Variants in RPS6KA5 observed in about 807,000 individuals in gnomAD.
RPS6KA5 encodes the protein ribosomal protein S6 kinase alpha-5.
Under a neutral mutation model 85.5 loss-of-function variants are expected in RPS6KA5, and 27 were observed. The observed-to-expected ratio is 0.32, with a 90% CI of 0.23 to 0.44. The LOEUF (loss-of-function observed/expected upper bound fraction) is 0.44, where lower values mean the gene tolerates loss of function less well. Among genes scored for constraint, RPS6KA5 ranks in the 20% least tolerant of loss-of-function variants. The probability of loss-of-function intolerance (pLI) is 1.00; values close to 1 mark genes in which losing one functional copy is unlikely to be tolerated. For synonymous variants in RPS6KA5, 334 were observed against 348.2 expected, an observed-to-expected ratio of 0.96 and a Z score of 0.46; for missense variants, 811 against 980.9, an observed-to-expected ratio of 0.83 and a Z score of 2.31.
chr14:91,016,721 C>T (rs994480631), intron 1 of RPS6KA5, among the ~76,000 whole-genome samples: 3 of 152,022 alleles, frequency 2.0e-5, no homozygotes, highest in East Asian at 1.9e-4. Flanking sequence ...GAAGGAAAAA[C>T]GACCAGACAT....
intron 3 of RPS6KA5, among the ~76,000 whole-genome samples, chr14:90,965,533 C>G (rs1470363794): frequency 1.3e-5 from 2 of 152,074 alleles, no homozygotes; most frequent in Non-Finnish European, 2.9e-5. Context: ...GAGAGGAAGA[C>G]AGTAATGGGA....
intron 5 of RPS6KA5, among the ~76,000 whole-genome samples, chr14:90,935,201 A>G (rs1446356660): frequency 6.6e-6 from 1 of 152,238 alleles, no homozygotes; most frequent in Non-Finnish European, 1.5e-5. Context: ...CCTTACCTAC[A>G]CATCTTGAGA....
chr14:90,940,109 T>A (rs926156022), intron 5 of RPS6KA5, among the ~76,000 whole-genome samples: 2 of 152,136 alleles, frequency 1.3e-5, no homozygotes, highest in Non-Finnish European at 2.9e-5. Flanking sequence ...CCCTGAGAGT[T>A]AAACCTGAAG....
chr14:91,005,217 A>T (rs945061791), intron 1 of RPS6KA5, among the ~76,000 whole-genome samples: 10 of 152,192 alleles, frequency 6.6e-5, no homozygotes, highest in African/African-American at 1.9e-4. Flanking sequence ...AGTTTCATCC[A>T]GGTTTCTGAC....
intron 16 of RPS6KA5, among the ~76,000 whole-genome samples, chr14:90,873,125 T>C (rs886385720): frequency 2.0e-5 from 3 of 152,354 alleles, no homozygotes; most frequent in South Asian, 4.1e-4. Context: ...ACATGAATTA[T>C]CTTAATATAT....
intron 5 of RPS6KA5, among the ~76,000 whole-genome samples, chr14:90,937,576 A>G (rs1566764237): frequency 6.6e-6 from 1 of 152,188 alleles, no homozygotes; most frequent in Non-Finnish European, 1.5e-5. Context: ...GCTGATAAAT[A>G]CATATCCGAG....
intron 1 of RPS6KA5, among the ~76,000 whole-genome samples, chr14:91,033,403 C>T (rs2042270887): frequency 6.6e-6 from 1 of 152,078 alleles, no homozygotes; most frequent in Non-Finnish European, 1.5e-5. Context: ...GAGTTCAAGA[C>T]CAGCCTGGCC....
At chr14:90,947,781 T>C (rs1393480137) in intron 3 of RPS6KA5, among the ~76,000 whole-genome samples, 1 of 152,216 alleles carries the variant, frequency 6.6e-6, no homozygotes, top group African/African-American at 2.4e-5. Context: ...AGTATTGCCA[T>C]TAAAACTATT....
chr14:91,059,014 G>A (rs2043466418), intron 1 of RPS6KA5, among the ~76,000 whole-genome samples: 1 of 152,134 alleles, frequency 6.6e-6, no homozygotes, highest in Non-Finnish European at 1.5e-5. Context: ...TGCCGTTTAA[G>A]CTTTTGTGCC....
intron 3 of RPS6KA5, among the ~76,000 whole-genome samples, chr14:90,968,299 C>T (rs2039165407): frequency 6.6e-6 from 1 of 152,054 alleles, no homozygotes. Context: ...CTCTCTCCTC[C>T]CTCCCTCCCT....
intron 2 of RPS6KA5, among the ~76,000 whole-genome samples, chr14:90,988,067 G>A (rs1246635760): frequency 6.6e-6 from 1 of 152,078 alleles, no homozygotes; most frequent in African/African-American, 2.4e-5. Flanking sequence ...AAGACCAACG[G>A]GAATGAACTG....
intron 3 of RPS6KA5, among the ~76,000 whole-genome samples, chr14:90,947,890 C>T (rs914599915): frequency 6.6e-6 from 1 of 152,186 alleles, no homozygotes; most frequent in Non-Finnish European, 1.5e-5. Context: ...CTCTGGAGTA[C>T]CAAAACATCA....
chr14:90,925,355 C>G (rs943229555), intron 5 of RPS6KA5, among the ~76,000 whole-genome samples: 2 of 152,210 alleles, frequency 1.3e-5, no homozygotes, highest in African/African-American at 2.4e-5. Context: ...TCAGTGAAAA[C>G]AAACTACAGA....
chr14:90,937,270 T>C (rs2037309568), intron 5 of RPS6KA5, among the ~76,000 whole-genome samples: 1 of 151,736 alleles, frequency 6.6e-6, no homozygotes, highest in Non-Finnish European at 1.5e-5. Flanking sequence ...CAGCAGATGG[T>C]GGCGGGGTAG....
At chr14:91,044,295 AAGAGAGAGAAAGAG>A (rs1392711574) in intron 1 of RPS6KA5, among the ~76,000 whole-genome samples, 116 of 37,672 alleles carry the variant, frequency 3.1e-3, no homozygotes, top group African/African-American at 0.012. Context: ...GAGAGAGAGA[AAGAGAGAGAAAGAG>A]AGAGAGAGAA....
chr14:91,035,429 C>G (rs1206214775), intron 1 of RPS6KA5, among the ~76,000 whole-genome samples: 2 of 151,948 alleles, frequency 1.3e-5, no homozygotes, highest in African/African-American at 4.8e-5. Context: ...CAAAATCATC[C>G]CCCAGAAAGA....
chr14:91,030,521 C>T, intron 1 of RPS6KA5, among the ~76,000 whole-genome samples: 1 of 142,380 alleles, frequency 7.0e-6, no homozygotes, highest in Non-Finnish European at 1.5e-5. Context: ...GAGTTTCTAA[C>T]CAGCATTTTG....
intron 5 of RPS6KA5, among the ~76,000 whole-genome samples, chr14:90,937,558 C>T (rs1034072218): frequency 1.3e-5 from 2 of 152,280 alleles, no homozygotes; most frequent in Middle Eastern, 3.4e-3. Flanking sequence ...TCAGTCCATT[C>T]TCACACTGCT....
At chr14:90,964,475 C>T (rs2038958862) in intron 3 of RPS6KA5, among the ~76,000 whole-genome samples, 1 of 152,140 alleles carries the variant, frequency 6.6e-6, no homozygotes, top group African/African-American at 2.4e-5. Context: ...TGACTGTGAG[C>T]ACAGAAGTGT....
Sources: gnomAD v4.1 joint callset for allele counts (sites outside exome capture counted in the v4.1 genomes callset) on GRCh38, gnomAD v4.1.1 for gene constraint, MANE v1.5 for transcripts, NCBI Gene and HGNC (gene_info 2026-07-23, HGNC 2026-07-21) for gene names.